The following COPA variants were observed in gnomAD, a reference collection of about 807,000 sequenced individuals.
COPA encodes coat protein complex I subunit alpha, also known as coatomer subunit alpha.
COPA carries 10 observed loss-of-function variants against 158.7 expected under a neutral mutation model. The observed-to-expected ratio is 0.06, with a 90% CI of 0.04 to 0.11. The LOEUF is 0.11. Among genes scored for constraint, COPA ranks in the 10% least tolerant of loss-of-function variants. The probability of loss-of-function intolerance (pLI) is 1.00; values close to 1 mark genes in which losing one functional copy is unlikely to be tolerated. For missense variants in COPA, 1,065 were observed against 1,536.7 expected (o/e 0.69, Z 5.13); for synonymous variants, 462 against 542.8 (o/e 0.85, Z 2.07).
intron 31 of COPA, among the ~76,000 whole-genome samples, chr1:160,290,914 A>G (rs1266514381): frequency 6.6e-6 from 1 of 152,208 alleles, no homozygotes; most frequent in Non-Finnish European, 1.5e-5. Context: ...CTAGACCCAC[A>G]TTCCTCCACC....
chr1:160,326,090 T>A (rs1000904481), intron 6 of COPA: 7 of 164,522 alleles, frequency 4.3e-5, no homozygotes, highest in African/African-American at 7.2e-5. Context: ...TTTCAGAAAT[T>A]TTTTTCTTTT....
chr1:160,305,977 A>G (rs1431826274), intron 15 of COPA: 1 of 599,680 alleles, frequency 1.7e-6, no homozygotes, highest in Admixed American at 2.9e-5. Flanking sequence ...CCCCTTCCTC[A>G]ACCCCCTCTC....
At chr1:160,325,962 C>G (rs1461578530) in intron 6 of COPA, 1 of 231,916 alleles carries the variant, frequency 4.3e-6, no homozygotes, top group Non-Finnish European at 8.5e-6. Context: ...CAAGAGGTGT[C>G]TGCTTCAGTT....
chr1:160,322,109 A>C (rs1659348332), intron 8 of COPA, among the ~76,000 whole-genome samples: 1 of 152,190 alleles, frequency 6.6e-6, no homozygotes, highest in Admixed American at 6.5e-5. Context: ...CAGAAAAAAA[A>C]TCCTAAAATT....
At position 160,305,773 on chromosome 1, in the gene COPA, C is replaced by T. The variant is rs747050910; in HGVS notation, c.1443G>A (p.Arg481=). 4 of 1,613,042 alleles carry T rather than the reference C, an allele frequency of 2.5e-6. No homozygotes were observed. Among genetic ancestry groups the T allele is most frequent in the South Asian group, 1.1e-5 (1 of 91,052 alleles). Residue 481 remains arginine, a splice_region_variant and synonymous_variant, in exon 16 of 33, where the codon CGG becomes CGA. Coordinates refer to ENST00000241704, the MANE Select transcript of COPA (RefSeq NM_004371.4). ...SITLFDVQQK[R]TLASVKISKV... is the part of the protein sequence containing the mutation. ...TAGAAATCTTCACAGATGCCAGAGT[C>T]CTGAGATAGATAGAGATGTGCAAAC...
intron 5 of COPA, among the ~76,000 whole-genome samples, chr1:160,333,030 T>C (rs1379194461): frequency 6.6e-6 from 1 of 152,206 alleles, no homozygotes; most frequent in Non-Finnish European, 1.5e-5. Flanking sequence ...GTTCAAGCGA[T>C]TCTCCGCCTC....
At chr1:160,330,992 G>A (rs1571180660) in intron 6 of COPA, among the ~76,000 whole-genome samples, 1 of 151,518 alleles carries the variant, frequency 6.6e-6, no homozygotes, top group Non-Finnish European at 1.5e-5. Flanking sequence ...TGGCCAACAT[G>A]GTGAAACCCT....
intron 27 of COPA, among the ~76,000 whole-genome samples, chr1:160,292,852 A>G (rs1234125088): frequency 1.3e-5 from 2 of 152,174 alleles, no homozygotes; most frequent in Non-Finnish European, 1.5e-5. Context: ...TATTGTTGTT[A>G]TTATAACAAT....
At chr1:160,295,920 T>C in intron 22 of COPA, 61 bp from the exon 23 acceptor site, 1 of 1,581,348 alleles carries the variant, frequency 6.3e-7, no homozygotes, top group Non-Finnish European at 8.6e-7. Context: ...GTAAGGAAAG[T>C]TATGGAGCCT....
chr1:160,322,770 G>C (rs971336394), intron 8 of COPA, among the ~76,000 whole-genome samples: 6 of 152,090 alleles, frequency 3.9e-5, no homozygotes, highest in Admixed American at 1.3e-4. Context: ...TCACAATGGA[G>C]AATAGTATGG....
chr1:160,314,103 A>G lies in COPA; in HGVS notation c.729T>C (p.Asp243=). The change falls in exon 9 of 33, where the codon GAT becomes GAC. Residue 243 remains aspartate, a synonymous_variant. Coordinates refer to ENST00000241704, the MANE Select transcript of COPA (RefSeq NM_004371.4). ...RMNESKAWEV[D]TCRGHYNNVS... ...CATTGTTGTAATGGCCCCGGCAGGT[A>G]TCAACCTCCCATGCCTTTGATTCTG... 2 of 1,613,780 alleles carry G rather than the reference A, an allele frequency of 1.2e-6. No homozygotes were observed. The highest frequency in any genetic ancestry group is 1.7e-6 in the Non-Finnish European group (2 of 1,179,892).
chr1:160,296,402 G>A (rs1571151335), intron 21 of COPA, among the ~76,000 whole-genome samples: 1 of 152,196 alleles, frequency 6.6e-6, no homozygotes, highest in African/African-American at 2.4e-5. Flanking sequence ...GCCCTCTTTT[G>A]CTCACTTGCT....
At chr1:160,305,086 A>G (rs572589819) in intron 17 of COPA, 2 of 173,842 alleles carry the variant, frequency 1.2e-5, no homozygotes, top group East Asian at 3.2e-4. Context: ...TGTAAAAACT[A>G]GAATGTTACT....
chr1:160,324,021 C>T (rs1257684424), intron 7 of COPA, among the ~76,000 whole-genome samples: 4 of 152,024 alleles, frequency 2.6e-5, no homozygotes, highest in Admixed American at 6.6e-5. Flanking sequence ...CCACCATACC[C>T]GGCTAATTTT....
chr1:160,341,692 C>G (rs543675851), intron 1 of COPA, among the ~76,000 whole-genome samples: 1 of 152,110 alleles, frequency 6.6e-6, no homozygotes, highest in Admixed American at 6.5e-5. Context: ...ACCCTCCCCC[C>G]AAAAAAGTAA....
At chr1:160,330,604 A>G (rs890854661) in intron 6 of COPA, among the ~76,000 whole-genome samples, 2 of 152,198 alleles carry the variant, frequency 1.3e-5, no homozygotes, top group African/African-American at 4.8e-5. Flanking sequence ...GCAGTATTCC[A>G]AATGCTGTAT....
At chr1:160,322,477 T>G (rs1571173341) in intron 8 of COPA, among the ~76,000 whole-genome samples, 2 of 152,072 alleles carry the variant, frequency 1.3e-5, no homozygotes, top group African/African-American at 4.8e-5. Context: ...ACTATGAAAC[T>G]ACTAGAAGAA....
chr1:160,338,724 T>C (rs938507950), intron 3 of COPA, among the ~76,000 whole-genome samples: 12 of 152,154 alleles, frequency 7.9e-5, no homozygotes, highest in Admixed American at 3.9e-4. Flanking sequence ...CTTCCCAAAA[T>C]TCTCTTCTTC....
chr1:160,305,995 T>G, intron 15 of COPA: 1 of 595,098 alleles, frequency 1.7e-6, no homozygotes, highest in South Asian at 2.1e-5. Flanking sequence ...CTCCCTCATT[T>G]CCTTGTATTA....
Sources: gnomAD v4.1 joint callset for allele counts (sites outside exome capture counted in the v4.1 genomes callset) on GRCh38, gnomAD v4.1.1 for gene constraint, MANE v1.5 for transcripts, NCBI Gene and HGNC (gene_info 2026-07-23, HGNC 2026-07-21) for gene names.